Variants in OTUD7A observed in about 807,000 individuals in gnomAD.
OTUD7A encodes OTU deubiquitinase 7A.
OTUD7A carries 12 observed loss-of-function variants against 65.7 expected under a neutral mutation model. That is an observed-to-expected ratio of 0.18 (90% CI 0.12 to 0.30). The LOEUF is 0.30. OTUD7A is among the 10% of genes least tolerant of loss of function. The probability of loss-of-function intolerance (pLI) is 1.00; values close to 1 mark genes in which losing one functional copy is unlikely to be tolerated. For missense variants in OTUD7A, 1,148 were observed against 1,304.8 expected (o/e 0.88, Z 1.85); for synonymous variants, 641 against 586.3 (o/e 1.09, Z -1.35).
chr15:31,814,214 C>T (rs754168712), intron 1 of OTUD7A, among the ~76,000 whole-genome samples: 4 of 152,254 alleles, frequency 2.6e-5, no homozygotes, highest in Non-Finnish European at 5.9e-5. Context: ...CCACTGGCAT[C>T]GGCCATGCAA....
chr15:31,807,190 C>T (rs1473402310), intron 1 of OTUD7A, among the ~76,000 whole-genome samples: 1 of 151,806 alleles, frequency 6.6e-6, no homozygotes, highest in Non-Finnish European at 1.5e-5. Flanking sequence ...TAACACCGTT[C>T]CCATTTTGCA....
At chr15:31,616,862 T>A (rs562897467) in intron 3 of OTUD7A, among the ~76,000 whole-genome samples, 16 of 152,178 alleles carry the variant, frequency 1.1e-4, no homozygotes, top group African/African-American at 3.9e-4. Context: ...CATTTTAAGT[T>A]TAAAAGAAAG....
At chr15:31,857,323 G>C (rs1381425092) in intron 1 of OTUD7A, among the ~76,000 whole-genome samples, 9 of 152,170 alleles carry the variant, frequency 5.9e-5, no homozygotes, top group African/African-American at 2.2e-4. Context: ...GCTGGTAGCT[G>C]AACTGCCTTA....
intron 1 of OTUD7A, among the ~76,000 whole-genome samples, chr15:31,851,090 G>A (rs1183693482): frequency 6.6e-6 from 1 of 152,124 alleles, no homozygotes; most frequent in African/African-American, 2.4e-5. Context: ...TAAACAGTAT[G>A]GCAATATTAA....
chr15:31,789,574 G>A (rs935588266), intron 1 of OTUD7A, among the ~76,000 whole-genome samples: 9 of 152,142 alleles, frequency 5.9e-5, no homozygotes, highest in African/African-American at 9.7e-5. Context: ...CATACAGTCT[G>A]GGCATCTTCA....
At chr15:31,577,819 T>TAAAAAAAAAAAAAAA (rs36055987) in intron 3 of OTUD7A, among the ~76,000 whole-genome samples, 2 of 141,210 alleles carry the variant, frequency 1.4e-5, no homozygotes, top group Non-Finnish European at 3.1e-5. Flanking sequence ...TTGATTCCAG[T>TAAAAAAAAAAAAAAA]AAAAAAAAAA....
intron 1 of OTUD7A, among the ~76,000 whole-genome samples, chr15:31,756,297 T>C (rs1235714692): frequency 6.6e-6 from 1 of 152,254 alleles, no homozygotes; most frequent in Non-Finnish European, 1.5e-5. Context: ...AACTTCTCTT[T>C]ACTTATTAAA....
In OTUD7A at chr15:31,658,512, C is replaced by A. The variant is rs568323640; in HGVS notation, c.-99-1435G>T. 1.1e-3 allele frequency among the ~76,000 whole-genome samples: 163 copies of A among 152,226 alleles called. 1 individual carries two copies. The highest frequency in any genetic ancestry group is 4.4e-3 in the East Asian group (23 of 5,180). Reference sequence around the variant, plus strand: ...TCATGGAGCTGCTACTCTGTTCAGGCCATGACTGCAGGGACTCTGTGGGAA... The same window carrying A: ...TCATGGAGCTGCTACTCTGTTCAGGACATGACTGCAGGGACTCTGTGGGAA... On this transcript the variant is annotated intron_variant, in intron 1 of 12. Transcript: ENST00000307050.
intron 3 of OTUD7A, among the ~76,000 whole-genome samples, chr15:31,648,776 T>G (rs1891751609): frequency 6.6e-6 from 1 of 152,172 alleles, no homozygotes; most frequent in Non-Finnish European, 1.5e-5. Context: ...ATTATTATGT[T>G]TTCAAGATGG....
chr15:31,568,565 T>C (rs1888949144), intron 4 of OTUD7A, among the ~76,000 whole-genome samples: 1 of 152,214 alleles, frequency 6.6e-6, no homozygotes, highest in Non-Finnish European at 1.5e-5. Context: ...ATGATTGTAT[T>C]TTGCAATGAG....
intron 5 of OTUD7A, among the ~76,000 whole-genome samples, chr15:31,541,108 A>G (rs1566911053): frequency 6.6e-6 from 1 of 152,258 alleles, no homozygotes; most frequent in African/African-American, 2.4e-5. Flanking sequence ...TCAGAAATGC[A>G]AATTACACTC....
chr15:31,551,328 T>C (rs908292502), intron 5 of OTUD7A, among the ~76,000 whole-genome samples: 1 of 152,200 alleles, frequency 6.6e-6, no homozygotes, highest in Non-Finnish European at 1.5e-5. Flanking sequence ...CATGGTTTCA[T>C]GTTTCTATTC....
chr15:31,544,312 A>G (rs2141138215), intron 5 of OTUD7A, among the ~76,000 whole-genome samples: 1 of 151,968 alleles, frequency 6.6e-6, no homozygotes, highest in South Asian at 2.1e-4. Context: ...TGAATTAATC[A>G]TCCATGTTAA....
At chr15:31,582,387 C>T (rs1461696434) in intron 3 of OTUD7A, among the ~76,000 whole-genome samples, 1 of 152,220 alleles carries the variant, frequency 6.6e-6, no homozygotes, top group African/African-American at 2.4e-5. Flanking sequence ...TCCACATTCT[C>T]AGGTATCTTT....
intron 1 of OTUD7A, among the ~76,000 whole-genome samples, chr15:31,662,876 T>C (rs1248829675): frequency 2.0e-5 from 3 of 152,236 alleles, no homozygotes; most frequent in South Asian, 2.1e-4. Context: ...AAATCAGGAA[T>C]GATAGCATAT....
intron 1 of OTUD7A, among the ~76,000 whole-genome samples, chr15:31,723,155 G>A (rs1231039261): frequency 6.6e-6 from 1 of 152,172 alleles, no homozygotes; most frequent in Non-Finnish European, 1.5e-5. Context: ...GAAAGGAGGG[G>A]AGCTCCTGCA....
At chr15:31,567,663 C>T (rs191470051) in intron 4 of OTUD7A, among the ~76,000 whole-genome samples, 1 of 152,340 alleles carries the variant, frequency 6.6e-6, no homozygotes, top group Non-Finnish European at 1.5e-5. Context: ...ATTTCAGAGA[C>T]CTTCACAGCA....
chr15:31,646,857 T>C (rs959574258), intron 3 of OTUD7A, among the ~76,000 whole-genome samples: 2 of 151,990 alleles, frequency 1.3e-5, no homozygotes, highest in East Asian at 1.9e-4. Flanking sequence ...GCTTCCCCAA[T>C]AGGAAGGAAA....
intron 5 of OTUD7A, among the ~76,000 whole-genome samples, chr15:31,542,813 AAAG>A (rs1019134183): frequency 6.7e-6 from 1 of 149,794 alleles, no homozygotes; most frequent in African/African-American, 2.5e-5. Context: ...GGAACAATGG[AAAG>A]AAGAAGCCAA....
Sources: gnomAD v4.1 joint callset for allele counts (sites outside exome capture counted in the v4.1 genomes callset) on GRCh38, gnomAD v4.1.1 for gene constraint, MANE v1.5 for transcripts, NCBI Gene and HGNC (gene_info 2026-07-23, HGNC 2026-07-21) for gene names.